Variants in CTTNBP2 observed in about 807,000 individuals in gnomAD.
The protein encoded by CTTNBP2 is cortactin binding protein 2.
CTTNBP2 carries 108 observed loss-of-function variants against 156.9 expected under a neutral mutation model. That is an observed-to-expected ratio of 0.69 (90% CI 0.59 to 0.81). CTTNBP2 has a LOEUF of 0.81. Ranked by LOEUF, CTTNBP2 falls within the 30% of genes least tolerant of loss-of-function variation. The pLI is 0.00. For synonymous variants in CTTNBP2, 767 were observed against 751.8 expected (o/e 1.02, Z -0.33); for missense variants, 1,924 against 2,035.4 (o/e 0.95, Z 1.05).
intron 22 of CTTNBP2, among the ~76,000 whole-genome samples, chr7:117,716,211 C>A (rs934619301): frequency 8.4e-5 from 9 of 107,324 alleles, no homozygotes; most frequent in African/African-American, 2.4e-4. Context: ...CAAAGCTGCC[C>A]AGAACTTTGA....
intron 16 of CTTNBP2, among the ~76,000 whole-genome samples, chr7:117,728,694 T>C (rs1415742464): frequency 6.6e-6 from 1 of 152,238 alleles, no homozygotes; most frequent in African/African-American, 2.4e-5. Context: ...AATTATTAAA[T>C]TAAGCTGACT....
At chr7:117,786,965 C>T (rs111662055) in intron 4 of CTTNBP2, among the ~76,000 whole-genome samples, 1 of 151,960 alleles carries the variant, frequency 6.6e-6, no homozygotes, top group Non-Finnish European at 1.5e-5. Context: ...TTTTAGAGGT[C>T]TGCAATATAT....
Position 117,724,562 on chromosome 7 carries a change from C to G in CTTNBP2, c.4432G>C (p.Asp1478His). The change falls in exon 19 of 23, where the codon GAC becomes CAC. Residue 1478 changes from aspartate to histidine, a missense_variant. Asp to His is a moderately conservative substitution (Grantham distance 81). Coordinates refer to ENST00000160373, the MANE Select transcript of CTTNBP2 (RefSeq NM_033427.3). ...RFSLPTWNKPDLSTEGMKNKT... is the reference protein window; with the variant it reads ...RFSLPTWNKPHLSTEGMKNKT... ...CGCCCTTTACCTTCAGTGCTTAGGTCTGGCTTATTCCAGGTGGGTAAAGAG... is the reference window on the plus strand; with the variant it reads ...CGCCCTTTACCTTCAGTGCTTAGGTGTGGCTTATTCCAGGTGGGTAAAGAG... 6.2e-7 allele frequency: 1 copy of G among 1,613,546 alleles called. No homozygotes were observed. Among genetic ancestry groups the G allele is most frequent in the Non-Finnish European group, 8.5e-7 (1 of 1,179,900 alleles).
At chr7:117,835,278 T>C (rs1466155316) in intron 2 of CTTNBP2, among the ~76,000 whole-genome samples, 3 of 152,248 alleles carry the variant, frequency 2.0e-5, no homozygotes, top group Non-Finnish European at 4.4e-5. Flanking sequence ...CACTAATTCA[T>C]GTTTAATTAA....
intron 2 of CTTNBP2, among the ~76,000 whole-genome samples, chr7:117,859,127 C>T (rs1392604566): frequency 2.0e-5 from 3 of 152,112 alleles, no homozygotes; most frequent in African/African-American, 2.4e-5. Flanking sequence ...CCTACTTATA[C>T]ATGCAATTCT....
At chr7:117,837,414 C>T (rs988799621) in intron 2 of CTTNBP2, among the ~76,000 whole-genome samples, 2 of 152,160 alleles carry the variant, frequency 1.3e-5, no homozygotes, top group African/African-American at 4.8e-5. Flanking sequence ...CAGTATACCC[C>T]TGCTACCTTC....
chr7:117,724,405 A>C (rs746657173), intron 19 of CTTNBP2, 142 bp downstream of exon 19: 2 of 698,182 alleles, frequency 2.9e-6, no homozygotes, highest in Middle Eastern at 4.0e-4. Context: ...TATATAGTTT[A>C]TTCCATGAAA....
At chr7:117,744,380 A>T (rs1796199426) in intron 14 of CTTNBP2, among the ~76,000 whole-genome samples, 1 of 152,046 alleles carries the variant, frequency 6.6e-6, no homozygotes, top group African/African-American at 2.4e-5. Flanking sequence ...CTCTATCTCC[A>T]TGAATTCAAT....
intron 11 of CTTNBP2, among the ~76,000 whole-genome samples, chr7:117,757,132 G>T (rs1796927288): frequency 6.6e-6 from 1 of 152,062 alleles, no homozygotes; most frequent in African/African-American, 2.4e-5. Context: ...AATTTTCTGG[G>T]GTGGCCTCAC....
chr7:117,725,390 G>T (rs144648790), intron 17 of CTTNBP2, 133 bp from the exon 18 acceptor site: 2 of 785,520 alleles, frequency 2.5e-6, no homozygotes, highest in African/African-American at 1.7e-5. Flanking sequence ...ACCTTTCCCA[G>T]GTAGTTTTCA....
At chr7:117,871,465 G>C (rs1255841684) in intron 1 of CTTNBP2, 1 of 159,774 alleles carries the variant, frequency 6.3e-6, no homozygotes, top group African/African-American at 2.4e-5. Context: ...AAATAGCAAA[G>C]AAGGTTCACT....
chr7:117,798,587 A>C (rs1420872754), intron 3 of CTTNBP2, among the ~76,000 whole-genome samples: 2 of 152,156 alleles, frequency 1.3e-5, no homozygotes, highest in African/African-American at 2.4e-5. Flanking sequence ...AAAGCAGAGC[A>C]TCTAAAAGCA....
intron 3 of CTTNBP2, among the ~76,000 whole-genome samples, chr7:117,793,803 A>T (rs1266036796): frequency 6.6e-6 from 1 of 152,214 alleles, no homozygotes; most frequent in African/African-American, 2.4e-5. Context: ...GAGCTTTCAA[A>T]GCCTTTCTTT....
intron 3 of CTTNBP2, chr7:117,793,380 C>T (rs1346098584): frequency 3.3e-5 from 5 of 152,216 alleles, no homozygotes; most frequent in Admixed American, 1.3e-4. Context: ...CTTATTAGAA[C>T]TACATTTGGT....
chr7:117,844,017 A>G (rs1802427321), intron 2 of CTTNBP2, among the ~76,000 whole-genome samples: 1 of 150,772 alleles, frequency 6.6e-6, no homozygotes, highest in Admixed American at 6.6e-5. Flanking sequence ...CCTTGGAGTC[A>G]GAGAAAGAGG....
At chr7:117,787,349 A>G (rs1585003949) in intron 4 of CTTNBP2, among the ~76,000 whole-genome samples, 1 of 152,330 alleles carries the variant, frequency 6.6e-6, no homozygotes, top group Admixed American at 6.5e-5. Context: ...ATGACTGGAC[A>G]TGCAATGGCA....
chr7:117,735,771 T>C (rs1442238096), intron 14 of CTTNBP2, among the ~76,000 whole-genome samples: 1 of 152,130 alleles, frequency 6.6e-6, no homozygotes, highest in Non-Finnish European at 1.5e-5. Flanking sequence ...ACAAACAATA[T>C]ATTAAGAAGC....
chr7:117,786,668 C>A (rs995408827), intron 4 of CTTNBP2, among the ~76,000 whole-genome samples: 4 of 152,056 alleles, frequency 2.6e-5, no homozygotes, highest in Non-Finnish European at 1.5e-5. Context: ...TGTTGATATT[C>A]TTTTATGAAT....
intron 1 of CTTNBP2, among the ~76,000 whole-genome samples, chr7:117,865,684 A>AG (rs1249677551): frequency 6.7e-6 from 1 of 149,858 alleles, no homozygotes; most frequent in Non-Finnish European, 1.5e-5. Flanking sequence ...AAAAAAAAAA[A>AG]AAAAAAGAAA....
Sources: allele counts gnomAD v4.1 joint callset (sites outside exome capture counted in the v4.1 genomes callset), GRCh38; gene constraint gnomAD v4.1.1; transcripts MANE v1.5; gene names NCBI Gene and HGNC (gene_info 2026-07-23, HGNC 2026-07-21).